The following COX7A1 variants were observed in gnomAD, a reference collection of about 807,000 sequenced individuals.
The protein encoded by COX7A1 is cytochrome c oxidase subunit 7A1.
Under a neutral mutation model 13.2 loss-of-function variants are expected in COX7A1, and 21 were observed. That is an observed-to-expected ratio of 1.59 (90% CI 1.13 to 2.29). The LOEUF is 2.29. COX7A1 is among the 30% of genes most tolerant of loss of function. The pLI is 0.00. For synonymous variants in COX7A1, 41 were observed against 41.9 expected (o/e 0.98, Z 0.08); for missense variants, 107 against 100.0 (o/e 1.07, Z -0.30).
Position 36,151,502 on chromosome 19 carries a change from G to C in COX7A1, c.147C>G (p.Asp49Glu). 6.2e-7 allele frequency: 1 copy of C among 1,614,206 alleles called. No individual in the cohort carries two copies. ...TCATTGTCACTCGGTACAGGATGTT[G>C]TCAACGATGCCGCCCTTCAGGTACA... is the stretch of plus-strand genomic sequence containing the variant. ...IPLYLKGGIV[D>E]NILYRVTMTL... Residue 49 changes from aspartate to glutamate, a missense_variant, in exon 3 of 4, where the codon GAC (aspartate) becomes GAG (glutamate). By Grantham distance (45) the Asp-to-Glu change is conservative. Transcript: ENST00000292907.
chr19:36,151,334 G>T, intron 3 of COX7A1, 128 bp downstream of exon 3: 1 of 978,772 alleles, frequency 1.0e-6, no homozygotes. Context: ...CTCCAGCTCA[G>T]TACTCGACCC....
At chr19:36,151,803 C>G (rs2145939201) in intron 1 of COX7A1, 48 bp from the exon 2 acceptor site, 1 of 1,499,038 alleles carries the variant, frequency 6.7e-7, no homozygotes, top group Admixed American at 1.9e-5. Flanking sequence ...GGAGGGGTGT[C>G]CTGAAGTGGG....
At position 36,152,423 on chromosome 19, in the gene COX7A1, T is replaced by C; in HGVS notation, c.-16A>G. 1 of 1,348,974 alleles carries C rather than the reference T, an allele frequency of 7.4e-7. No homozygotes were observed. The highest frequency in any genetic ancestry group is 9.6e-7 in the Non-Finnish European group (1 of 1,037,814). 83.6% of individuals were successfully genotyped at this position (1,348,974 alleles called of 1,614,324 possible). Reference sequence around the variant, plus strand: ...GGGCCTGCATTCTGCCTTGTCCTCTTCCGCCGGAGTCACCTCCCTTCTCCG... The same window carrying C: ...GGGCCTGCATTCTGCCTTGTCCTCTCCCGCCGGAGTCACCTCCCTTCTCCG... On this transcript the variant is annotated 5_prime_UTR_variant, in exon 1 of 4. Coordinates refer to ENST00000292907, the MANE Select transcript of COX7A1 (RefSeq NM_001864.4).
intron 1 of COX7A1, chr19:36,151,996 C>T: frequency 4.7e-6 from 3 of 634,182 alleles, no homozygotes; most frequent in South Asian, 1.8e-5. Context: ...AGGGAGAGGA[C>T]CCAGAAGGAC....
intron 2 of COX7A1, 54 bp from the exon 3 acceptor site, chr19:36,151,600 G>T: frequency 6.2e-7 from 1 of 1,610,152 alleles, no homozygotes; most frequent in Non-Finnish European, 8.5e-7. Flanking sequence ...CTTAGAGCGC[G>T]CCCCGCCTGC....
chr19:36,151,062 A>G, intron 3 of COX7A1, 28 bp from the exon 4 acceptor site: 1 of 1,609,206 alleles, frequency 6.2e-7, no homozygotes. Context: ...TGGAGACAGA[A>G]TGAGACCTAA....
intron 3 of COX7A1, 125 bp from the exon 4 acceptor site, chr19:36,151,159 C>T: frequency 3.9e-6 from 4 of 1,019,494 alleles, no homozygotes; most frequent in Non-Finnish European, 5.8e-6. Flanking sequence ...GACTCCAGCT[C>T]CCTTCCCAGA....
chr19:36,152,327 G>A (rs1266837114), intron 1 of COX7A1, 66 bp downstream of exon 1: 2 of 1,227,238 alleles, frequency 1.6e-6, no homozygotes, highest in Non-Finnish European at 2.1e-6. Flanking sequence ...GGGGCACTTG[G>A]AGAGTCGCGT....
At chr19:36,151,095 C>G (rs1353202324) in intron 3 of COX7A1, 61 bp from the exon 4 acceptor site, 1 of 1,524,838 alleles carries the variant, frequency 6.6e-7, no homozygotes, top group Non-Finnish European at 9.0e-7. Context: ...ACATCCCAGG[C>G]TTTTAAGGCC....
Position 36,151,649 on chromosome 19 carries a change from C to CCCGG in COX7A1, c.102+19_102+20insCCGG. 1 of 1,398,568 alleles carries CCCGG rather than the reference C, an allele frequency of 7.2e-7. No homozygotes were observed. Among genetic ancestry groups the CCCGG allele is most frequent in the Non-Finnish European group, 9.7e-7 (1 of 1,029,290 alleles). 86.6% of individuals were successfully genotyped at this position (1,398,568 alleles called of 1,614,324 possible). A position where few individuals can be genotyped will look rare whatever the true frequency, so the allele number is the denominator to read the frequency against. ...GCTCCCGGCTGGCGCGTCGGATCCC[C>CCCGG]ACCCCCCCCGACCCCCCACCTGGAA... On this transcript the variant is annotated intron_variant, in intron 2 of 3. Coordinates refer to ENST00000292907, the MANE Select transcript of COX7A1 (RefSeq NM_001864.4).
intron 1 of COX7A1, chr19:36,152,167 C>T (rs1974783832): frequency 3.8e-6 from 2 of 530,902 alleles, no homozygotes; most frequent in South Asian, 3.0e-5. Flanking sequence ...TTAAGGGTTC[C>T]CGAGATGTCA....
Position 36,151,022 on chromosome 19 carries a change from C to G in COX7A1, c.200G>C (p.Ser67Thr). The change falls in exon 4 of 4, where the codon AGC (serine) becomes ACC (threonine). Residue 67 changes from serine to threonine, a missense_variant. Transcript: ENST00000292907. Reference sequence around the variant, plus strand: ...GGAGGCCCAGCCAAGGGAGTACAAGCTGTAGACAGTGCCTAGAAAGGGGAA... The same window carrying G: ...GGAGGCCCAGCCAAGGGAGTACAAGGTGTAGACAGTGCCTAGAAAGGGGAA... ...MTLCLGGTVY[S>T]LYSLGWASFP... 1 of 1,613,892 alleles carries G rather than the reference C, an allele frequency of 6.2e-7. No individual in the cohort carries two copies. The highest frequency in any genetic ancestry group is 8.5e-7 in the Non-Finnish European group (1 of 1,179,870).
At chr19:36,151,953 TG>T (rs1974780435) in intron 1 of COX7A1, 198 bp from the exon 2 acceptor site, 3 of 708,474 alleles carry the variant, frequency 4.2e-6, no homozygotes, top group South Asian at 1.5e-5. Flanking sequence ...GAGTCTGGCC[TG>T]GGGGTGACCG....
intron 2 of COX7A1, 46 bp downstream of exon 2, chr19:36,151,623 C>T (rs763921400): frequency 1.9e-6 from 3 of 1,609,584 alleles, no homozygotes; most frequent in Non-Finnish European, 2.5e-6. Flanking sequence ...CGGCTCGGCG[C>T]GCTCCCGGCT....
At chr19:36,151,269 C>T (rs916940513) in intron 3 of COX7A1, among the ~76,000 whole-genome samples, 193 bp downstream of exon 3, 6 of 152,134 alleles carry the variant, frequency 3.9e-5, no homozygotes, top group Non-Finnish European at 5.9e-5. Context: ...CTAACCCAGC[C>T]CCCGTCCTGG....
At chr19:36,151,174 A>G in intron 3 of COX7A1, 140 bp from the exon 4 acceptor site, 1 of 909,488 alleles carries the variant, frequency 1.1e-6, no homozygotes, top group Non-Finnish European at 1.7e-6. Flanking sequence ...CCCAGATTGG[A>G]CTCCTATTGT....
Position 36,150,962 on chromosome 19 carries a change from GC to G in COX7A1, c.*19del, listed in dbSNP as rs1218662234. ...ATTGACACTTGTTCAAGTCTCTCAG[GC>G]CCCCCAGGCTTCTTGGTCTTAATTC... On this transcript the variant is annotated 3_prime_UTR_variant, in exon 4 of 4. Transcript: ENST00000292907. The G allele has an allele frequency of 2.5e-6, 4 of 1,612,366 alleles. No individual in the cohort carries two copies. The highest frequency in any genetic ancestry group is 3.4e-6 in the Non-Finnish European group (4 of 1,178,542).
rs771394071 is a variant in COX7A1 at position 36,151,697 on chromosome 19, C to G, written c.74G>C (p.Arg25Pro). 14 of 1,601,486 alleles carry G rather than the reference C, an allele frequency of 8.7e-6. No homozygotes were observed. The African/African-American group carries it at 1.2e-4, about 14-fold the overall frequency. ...SSTARNRFQNRVREKQKLFQE... is the reference protein window; with the variant it reads ...SSTARNRFQNPVREKQKLFQE... ...GAAGAGCTTCTGTTTCTCGCGCACT[C>G]GGTTCTGAAAGCGGTTCCGGGCGGT... is the stretch of plus-strand genomic sequence containing the variant. Residue 25 changes from arginine to proline, a missense_variant, in exon 2 of 4, where the codon CGA becomes CCA. Arg to Pro is a moderately radical substitution (Grantham distance 103). Coordinates refer to ENST00000292907, the MANE Select transcript of COX7A1 (RefSeq NM_001864.4).
intron 2 of COX7A1, 24 bp downstream of exon 2, chr19:36,151,645 T>TGCCCCCCCCCCCCCCCCC: frequency 2.9e-6 from 4 of 1,387,610 alleles, no homozygotes; most frequent in Non-Finnish European, 4.0e-6. Context: ...GCGCGTCGGA[T>TGCCCCCCCCCCCCCCCCC]CCCCACCCCC....
Sources: allele counts gnomAD v4.1 joint callset (sites outside exome capture counted in the v4.1 genomes callset), GRCh38; gene constraint gnomAD v4.1.1; transcripts MANE v1.5; gene names NCBI Gene and HGNC (gene_info 2026-07-23, HGNC 2026-07-21).